Variants in RNF216 observed in about 807,000 individuals in gnomAD.
RNF216 encodes the protein ring finger protein 216, also known as E3 ubiquitin-protein ligase RNF216.
A neutral mutation model predicts 110.8 loss-of-function variants in RNF216; 72 were observed. The ratio of observed to expected loss-of-function variants is 0.65; its 90% CI spans 0.54 to 0.79. The LOEUF is 0.79. RNF216 is among the 30% of genes least tolerant of loss of function. RNF216 has a pLI of 0.00. For synonymous variants in RNF216, 495 were observed against 407.5 expected (o/e 1.21, Z -2.59); for missense variants, 1,342 against 1,141.2 (o/e 1.18, Z -2.54).
intron 1 of RNF216, among the ~76,000 whole-genome samples, chr7:5,761,659 G>T (rs528998232): frequency 1.3e-5 from 2 of 152,180 alleles, no homozygotes; most frequent in Admixed American, 6.5e-5. Context: ...GGTGGCACGT[G>T]CCTGTAATCC....
intron 15 of RNF216, 50 bp downstream of exon 15, chr7:5,641,104 T>C: frequency 1.5e-6 from 2 of 1,362,344 alleles, no homozygotes; most frequent in Admixed American, 2.0e-5. Context: ...CATAAAAATA[T>C]ATTTCTATTT....
At chr7:5,732,841 C>G (rs1442933332) in intron 5 of RNF216, 4 of 152,244 alleles carry the variant, frequency 2.6e-5, no homozygotes, top group African/African-American at 9.6e-5. Flanking sequence ...CTAGAGAAGT[C>G]ACTCCTGCAA....
At position 5,624,116 on chromosome 7, in the gene RNF216, C is replaced by T. The variant is rs752588814; in HGVS notation, c.2392G>A (p.Glu798Lys). 10 of 1,613,566 alleles carry T rather than the reference C, an allele frequency of 6.2e-6. No homozygotes were observed. The South Asian group carries it at 7.7e-5, about 12-fold the overall frequency. The change falls in exon 16 of 17, where the codon GAG becomes AAG. Residue 798 changes from glutamate to lysine, a missense_variant. Glu to Lys is a moderately conservative substitution (Grantham distance 56). Transcript: ENST00000389902. This position sits in a 1 kb window ranked among gnomAD's most constrained non-coding sequence, Gnocchi z 4.4. ...SLWTDPTEDD[E>K]KLIEEIQKEA... Reference sequence around the variant, plus strand: ...TTCTGGATTTCCTCAATAAGCTTCTCATCATCTTCCTAAAACGCAAGCAAT... The same window carrying T: ...TTCTGGATTTCCTCAATAAGCTTCTTATCATCTTCCTAAAACGCAAGCAAT...
intron 7 of RNF216, among the ~76,000 whole-genome samples, chr7:5,729,108 C>T (rs548531981): frequency 8.5e-5 from 13 of 152,212 alleles, no homozygotes; most frequent in African/African-American, 2.9e-4. Flanking sequence ...GATGGATGGT[C>T]GTGTGACCTG....
intron 15 of RNF216, 47 bp downstream of exon 15, chr7:5,641,107 T>G (rs1249530172): frequency 7.3e-7 from 1 of 1,376,972 alleles, no homozygotes; most frequent in East Asian, 2.3e-5. Flanking sequence ...AAAAATATAT[T>G]TCTATTTTCT....
chr7:5,644,684 T>C (rs911163323), intron 14 of RNF216, among the ~76,000 whole-genome samples: 3 of 152,140 alleles, frequency 2.0e-5, no homozygotes, highest in Non-Finnish European at 2.9e-5. Context: ...TTTAAATTTT[T>C]TGTAGAGACT....
intron 3 of RNF216, among the ~76,000 whole-genome samples, chr7:5,744,521 A>G (rs924851399): frequency 5.3e-5 from 8 of 152,204 alleles, no homozygotes; most frequent in Admixed American, 1.3e-4. Flanking sequence ...CGAACTAAAT[A>G]AGGGAAAAAA....
chr7:5,774,452 T>A (rs1796666329), intron 1 of RNF216, among the ~76,000 whole-genome samples: 1 of 152,180 alleles, frequency 6.6e-6, no homozygotes, highest in African/African-American at 2.4e-5. Context: ...AAAAATTCAT[T>A]AATTTTAAAA....
chr7:5,667,163 G>C (rs1486332323), intron 13 of RNF216, among the ~76,000 whole-genome samples: 1 of 152,144 alleles, frequency 6.6e-6, no homozygotes, highest in African/African-American at 2.4e-5. Context: ...AGTCACTTCA[G>C]TAGATTATGA....
At chr7:5,776,348 C>T (rs189751371) in intron 1 of RNF216, among the ~76,000 whole-genome samples, 1 of 151,636 alleles carries the variant, frequency 6.6e-6, no homozygotes, top group East Asian at 1.9e-4. Context: ...CTTTGGGAGG[C>T]CAAGGCGGGC....
At chr7:5,623,261 C>CG in intron 16 of RNF216, 82 bp from the exon 17 acceptor site, 1 of 1,329,032 alleles carries the variant, frequency 7.5e-7, no homozygotes, top group Admixed American at 2.4e-5. Context: ...GCAGCGACCT[C>CG]TGGACACGGG....
chr7:5,750,415 A>C (rs1460890620), intron 3 of RNF216, among the ~76,000 whole-genome samples: 1 of 152,234 alleles, frequency 6.6e-6, no homozygotes, highest in African/African-American at 2.4e-5. Flanking sequence ...AGTCAGGCAA[A>C]CTGGTCTTAC....
At chr7:5,770,994 G>C (rs565934800) in intron 1 of RNF216, among the ~76,000 whole-genome samples, 6 of 152,248 alleles carry the variant, frequency 3.9e-5, no homozygotes, top group South Asian at 4.1e-4. Flanking sequence ...TGTTAGTAGA[G>C]ACAGGGTTTC....
chr7:5,760,606 CA>C (rs1405948862), intron 2 of RNF216: 2 of 287,740 alleles, frequency 7.0e-6, no homozygotes, highest in Non-Finnish European at 1.4e-5. Flanking sequence ...AATCTTCTGG[CA>C]AAAAAGAAAT....
intron 1 of RNF216, among the ~76,000 whole-genome samples, chr7:5,778,836 C>T (rs1796919646): frequency 6.6e-6 from 1 of 152,202 alleles, no homozygotes; most frequent in Non-Finnish European, 1.5e-5. Context: ...CTCCGCCTCC[C>T]GAGTTCATGT....
Position 5,715,182 on chromosome 7 carries a change from C to T in RNF216, c.1704G>A (p.Gln568=), listed in dbSNP as rs1272130224. Residue 568 remains glutamine (Q), a synonymous_variant, in exon 11 of 17, where the codon CAG becomes CAA. Transcript: ENST00000389902. ...CATAGCAGCAGCGACACTCAATCAG[C>T]TGGCCATCCTGCAGGCAGTCAAGAA... ...MNEEQYQKDG[Q]LIECRCCYGE... is the part of the protein sequence containing the mutation. 1.2e-6 allele frequency: 2 copies of T among 1,612,852 alleles called. No homozygotes were observed. Among genetic ancestry groups the T allele is most frequent in the Non-Finnish European group, 8.5e-7 (1 of 1,179,798 alleles).
chr7:5,647,915 A>C (rs1788150029), intron 14 of RNF216, among the ~76,000 whole-genome samples: 1 of 152,076 alleles, frequency 6.6e-6, no homozygotes, highest in African/African-American at 2.4e-5. Context: ...GCTTTCTTTA[A>C]AGCTACTTGC....
chr7:5,739,531 A>G (rs1397425159), intron 4 of RNF216, 179 bp from the exon 5 acceptor site: 1 of 696,104 alleles, frequency 1.4e-6, no homozygotes, highest in South Asian at 1.5e-5. Flanking sequence ...TCTACATAGA[A>G]GATGAGGTCT....
intron 13 of RNF216, among the ~76,000 whole-genome samples, chr7:5,673,326 A>G (rs907603625): frequency 1.3e-5 from 2 of 152,242 alleles, no homozygotes; most frequent in Non-Finnish European, 2.9e-5. Context: ...CTGCTGTTCA[A>G]GAACAGGCTC....
Sources: gnomAD v4.1 joint callset for allele counts (sites outside exome capture counted in the v4.1 genomes callset) on GRCh38, gnomAD v4.1.1 for gene constraint, Gnocchi (gnomAD v3.1) non-coding constraint, MANE v1.5 for transcripts, NCBI Gene and HGNC (gene_info 2026-07-23, HGNC 2026-07-21) for gene names.